The following FERMT2 variants were observed in gnomAD, a reference collection of about 807,000 sequenced individuals.
FERMT2 encodes fermitin family homolog 2.
A neutral mutation model predicts 82.7 loss-of-function variants in FERMT2; 15 were observed. That is an observed-to-expected ratio of 0.18 (90% CI 0.12 to 0.28). The LOEUF is 0.28. Ranked by LOEUF, FERMT2 falls within the 10% of genes least tolerant of loss-of-function variation. The pLI is 1.00. For missense variants in FERMT2, 645 were observed against 809.4 expected, an observed-to-expected ratio of 0.80 and a Z score of 2.46; for synonymous variants, 274 against 271.5, an observed-to-expected ratio of 1.01 and a Z score of -0.09.
intron 3 of FERMT2, among the ~76,000 whole-genome samples, chr14:52,896,427 C>G (rs1186660989): frequency 1.3e-5 from 2 of 152,070 alleles, no homozygotes; most frequent in Non-Finnish European, 2.9e-5. Context: ...TTGTAGGGGA[C>G]CTGAAACTAG....
At chr14:52,873,133 A>G (rs1420591313) in intron 9 of FERMT2, among the ~76,000 whole-genome samples, 3 of 152,188 alleles carry the variant, frequency 2.0e-5, no homozygotes, top group Non-Finnish European at 4.4e-5. Flanking sequence ...TCCCACAAAC[A>G]GCGTTCCGAG....
At chr14:52,920,849 T>C (rs1407195075) in intron 2 of FERMT2, among the ~76,000 whole-genome samples, 1 of 151,652 alleles carries the variant, frequency 6.6e-6, no homozygotes, top group African/African-American at 2.4e-5. Flanking sequence ...GTGGCTGAGG[T>C]GGGAAGATGG....
intron 5 of FERMT2, 27 bp from the exon 6 acceptor site, chr14:52,881,165 AAAC>A (rs1206944413): frequency 6.3e-7 from 1 of 1,598,826 alleles, no homozygotes; most frequent in Non-Finnish European, 8.6e-7. Flanking sequence ...CAGTGGAACA[AAAC>A]AACACAGAAT....
intron 13 of FERMT2, 100 bp downstream of exon 13, chr14:52,860,241 C>G: frequency 1.0e-6 from 1 of 956,846 alleles, no homozygotes. Flanking sequence ...GTTAATGGGT[C>G]TACATAGGTA....
chr14:52,881,735 A>G lies in FERMT2; in HGVS notation c.527-266T>C, dbSNP rs1327731293. 2.3e-6 allele frequency: 3 copies of G among 1,321,430 alleles called. No homozygotes were observed. In the African/African-American group the frequency reaches 4.5e-5, roughly 20 times the overall value. The allele number at this position is 1,321,430 out of a possible 1,614,324, so 81.9% of individuals were successfully genotyped here. A position where few individuals can be genotyped will look rare whatever the true frequency, so the allele number is the denominator to read the frequency against. On this transcript the variant is annotated intron_variant, in intron 4 of 14. Transcript: ENST00000341590. ...AATCAGTTCAAGAGAATTAGAAAATAAGGATATAGCTGAAGCAGACAGACC... is the reference window on the plus strand; with the variant it reads ...AATCAGTTCAAGAGAATTAGAAAATGAGGATATAGCTGAAGCAGACAGACC...
At chr14:52,899,016 C>G (rs1243576956) in intron 3 of FERMT2, among the ~76,000 whole-genome samples, 1 of 152,160 alleles carries the variant, frequency 6.6e-6, no homozygotes, top group African/African-American at 2.4e-5. Flanking sequence ...AGGTCATTTT[C>G]TGTCTGGCTC....
intron 2 of FERMT2, 77 bp downstream of exon 2, chr14:52,950,335 C>T (rs540584635): frequency 6.9e-7 from 1 of 1,445,318 alleles, no homozygotes; most frequent in East Asian, 2.4e-5. Flanking sequence ...ATGGGCCCCT[C>T]CCCCGTCGTG....
chr14:52,909,083 C>G (rs11844364), intron 3 of FERMT2, among the ~76,000 whole-genome samples: 2,782 of 152,166 alleles, frequency 0.018, 72 homozygotes, highest in African/African-American at 0.063. Context: ...GTGAGGGGGG[C>G]TTCTGGGATG....
At chr14:52,927,220 A>G (rs1358768807) in intron 2 of FERMT2, among the ~76,000 whole-genome samples, 2 of 152,148 alleles carry the variant, frequency 1.3e-5, no homozygotes, top group African/African-American at 4.8e-5. Context: ...TGCTTAGTCT[A>G]CCAAACAGCT....
At chr14:52,891,944 C>G (rs116749735) in intron 4 of FERMT2, among the ~76,000 whole-genome samples, 1,550 of 152,158 alleles carry the variant, frequency 0.01, 28 homozygotes, top group African/African-American at 0.035. Context: ...GTGACATAGC[C>G]CCTTCATGCA....
chr14:52,922,148 T>C (rs1303552906), intron 2 of FERMT2, among the ~76,000 whole-genome samples: 1 of 152,200 alleles, frequency 6.6e-6, no homozygotes, highest in Non-Finnish European at 1.5e-5. Context: ...AAAAGCCAAC[T>C]GGAGGTTCCT....
chr14:52,859,429 G>T, intron 14 of FERMT2, 144 bp downstream of exon 14: 1 of 752,820 alleles, frequency 1.3e-6, no homozygotes, highest in African/African-American at 1.8e-5. Flanking sequence ...ATTTAAGTGA[G>T]AAATGAATAG....
intron 2 of FERMT2, among the ~76,000 whole-genome samples, chr14:52,934,614 A>G (rs1342022839): frequency 6.6e-6 from 1 of 152,180 alleles, no homozygotes; most frequent in East Asian, 1.9e-4. Context: ...CCTTTTTGTC[A>G]TACCACTTGT....
intron 13 of FERMT2, 93 bp downstream of exon 13, chr14:52,860,248 G>C (rs960315817): frequency 9.5e-7 from 1 of 1,055,394 alleles, no homozygotes; most frequent in Non-Finnish European, 1.4e-6. Flanking sequence ...GGTCTACATA[G>C]GTATGCTTTA....
At chr14:52,932,005 G>A (rs904390549) in intron 2 of FERMT2, among the ~76,000 whole-genome samples, 1 of 152,250 alleles carries the variant, frequency 6.6e-6, no homozygotes, top group African/African-American at 2.4e-5. Context: ...CTCCAGCCTA[G>A]GCGACAGAGC....
At chr14:52,946,782 C>T (rs1052684201) in intron 2 of FERMT2, among the ~76,000 whole-genome samples, 1 of 152,082 alleles carries the variant, frequency 6.6e-6, no homozygotes, top group Non-Finnish European at 1.5e-5. Flanking sequence ...AAGTGATTCT[C>T]CTGCCTCAGC....
Position 52,858,527 on chromosome 14 carries a change from T to G in FERMT2, c.1893A>C (p.Glu631Asp). The change falls in exon 15 of 15, where the codon GAA becomes GAC. Residue 631 changes from glutamate (E) to aspartate (D), a missense_variant. Coordinates refer to ENST00000341590, the MANE Select transcript of FERMT2 (RefSeq NM_006832.3). ...IKMVTVEFAD[E>D]VRLSFICTEV... ...CAGTACAAATGAAGGACAATCGTAC[T>G]TCATCTGCAAACTCTACGGTGACCT... The G allele has an allele frequency of 6.2e-7, 1 of 1,614,086 alleles. No homozygotes were observed. Among genetic ancestry groups the G allele is most frequent in the Non-Finnish European group, 8.5e-7 (1 of 1,179,970 alleles).
At chr14:52,932,505 C>G (rs1393266052) in intron 2 of FERMT2, among the ~76,000 whole-genome samples, 1 of 151,968 alleles carries the variant, frequency 6.6e-6, no homozygotes, top group African/African-American at 2.4e-5. Flanking sequence ...TGGTTAGCAG[C>G]CATATAACTA....
intron 3 of FERMT2, among the ~76,000 whole-genome samples, chr14:52,912,271 T>C (rs1349387596): frequency 6.6e-6 from 1 of 152,196 alleles, no homozygotes; most frequent in African/African-American, 2.4e-5. Context: ...CATAATCAAG[T>C]GCCTTAGTTC....
Sources: allele counts gnomAD v4.1 joint callset (sites outside exome capture counted in the v4.1 genomes callset), GRCh38; gene constraint gnomAD v4.1.1; transcripts MANE v1.5; gene names NCBI Gene and HGNC (gene_info 2026-07-23, HGNC 2026-07-21).